Variants in TENM1 observed in about 807,000 individuals in gnomAD.
The protein encoded by TENM1 is teneurin transmembrane protein 1, also known as teneurin-1.
A neutral mutation model predicts 174.8 loss-of-function variants in TENM1; 35 were observed. The ratio of observed to expected loss-of-function variants is 0.20; its 90% CI spans 0.15 to 0.27. TENM1 has a LOEUF of 0.27. Among genes scored for constraint, TENM1 ranks in the 10% least tolerant of loss-of-function variants. The pLI is 1.00. For synonymous variants in TENM1, 781 were observed against 798.7 expected, an observed-to-expected ratio of 0.98 and a Z score of 0.37; for missense variants, 1,633 against 2,130.1, an observed-to-expected ratio of 0.77 and a Z score of 4.59.
intron 16 of TENM1, 48 bp downstream of exon 19, chrX:124,529,816 G>C (rs753785649): frequency 8.3e-7 from 1 of 1,206,626 alleles, no homozygotes; most frequent in Admixed American, 2.2e-5. Flanking sequence ...CCCCTGGCTA[G>C]AAGTCAGTAA....
chrX:125,112,608 T>G, the TENM1 span, among the ~76,000 whole-genome samples: 1 of 111,390 alleles, frequency 9.0e-6, no homozygotes, highest in Admixed American at 9.6e-5. Context: ...CCAGAACACT[T>G]GAAATTTCAG....
intron 6 of TENM1, among the ~76,000 whole-genome samples, chrX:124,668,222 G>T (rs1487459864): frequency 8.9e-6 from 1 of 111,752 alleles, no homozygotes; most frequent in Non-Finnish European, 1.9e-5. Flanking sequence ...AGGATGTAGA[G>T]AAATAGAAAC....
At chrX:124,581,583 G>A (rs2049312741) in intron 11 of TENM1, among the ~76,000 whole-genome samples, 1 of 112,239 alleles carries the variant, frequency 8.9e-6, no homozygotes, top group Non-Finnish European at 1.9e-5. Context: ...TTGAATGGTA[G>A]TTTTGTTTTA....
intron 21 of TENM1, among the ~76,000 whole-genome samples, chrX:124,486,519 G>C (rs188807607): frequency 8.9e-6 from 1 of 112,006 alleles, no homozygotes. Flanking sequence ...CCCCATCAGT[G>C]CCATTTTGAT....
At chrX:125,096,914 G>A in the TENM1 span, among the ~76,000 whole-genome samples, 11 of 111,309 alleles carry the variant, frequency 9.9e-5, no homozygotes, top group East Asian at 3.1e-3. Context: ...TCCAATGAGT[G>A]CATGCTTCAA....
chrX:124,758,189 C>T (rs1441809291), intron 3 of TENM1, among the ~76,000 whole-genome samples: 2 of 111,422 alleles, frequency 1.8e-5, no homozygotes, highest in Non-Finnish European at 3.8e-5. Flanking sequence ...ACAAAACAAA[C>T]AGAAAAACTA....
At chrX:124,713,989 T>G (rs959700422) in intron 4 of TENM1, among the ~76,000 whole-genome samples, 1 of 112,417 alleles carries the variant, frequency 8.9e-6, no homozygotes, top group African/African-American at 3.2e-5. Context: ...GAATTACTAT[T>G]AATAATTATA....
chrX:125,037,197 T>G, the TENM1 span, among the ~76,000 whole-genome samples: 1 of 110,348 alleles, frequency 9.1e-6, no homozygotes, highest in Non-Finnish European at 1.9e-5. Flanking sequence ...ATCTCTAATC[T>G]CCTGGGTTCC....
the TENM1 span, among the ~76,000 whole-genome samples, chrX:124,992,937 A>G: frequency 1.8e-5 from 2 of 110,702 alleles, no homozygotes; most frequent in Non-Finnish European, 3.8e-5. Context: ...ATTTTCAGCA[A>G]ACTTTCAGAG....
intron 11 of TENM1, among the ~76,000 whole-genome samples, chrX:124,581,879 T>C (rs1165339142): frequency 1.8e-5 from 2 of 111,971 alleles, no homozygotes; most frequent in Non-Finnish European, 3.8e-5. Flanking sequence ...GCCCTTTTTT[T>C]TAAAAAGCAT....
At chrX:124,614,682 A>C (rs766616502) in intron 11 of TENM1, among the ~76,000 whole-genome samples, 1 of 112,511 alleles carries the variant, frequency 8.9e-6, no homozygotes, top group East Asian at 2.8e-4. Context: ...CAGGAGTTCG[A>C]GATGAGCCTG....
At chrX:125,172,435 C>A in the TENM1 span, among the ~76,000 whole-genome samples, 9 of 111,392 alleles carry the variant, frequency 8.1e-5, no homozygotes, top group African/African-American at 2.9e-4. Context: ...CAAGTTGTCT[C>A]CCACAGCCTT....
At chrX:124,470,724 C>CGGTAT (rs2061290110) in intron 22 of TENM1, among the ~76,000 whole-genome samples, 1 of 110,541 alleles carries the variant, frequency 9.0e-6, no homozygotes, top group Admixed American at 9.8e-5. Flanking sequence ...CCTTGACTTA[C>CGGTAT]GGTATTGCCC....
At chrX:124,593,283 T>C (rs1395435436) in intron 11 of TENM1, among the ~76,000 whole-genome samples, 1 of 111,176 alleles carries the variant, frequency 9.0e-6, no homozygotes, top group East Asian at 2.9e-4. Flanking sequence ...CAGGTCAGGA[T>C]GCCAATCCAG....
At chrX:124,408,339 C>T (rs1476398010) in intron 25 of TENM1, among the ~76,000 whole-genome samples, 2 of 104,148 alleles carry the variant, frequency 1.9e-5, no homozygotes, top group African/African-American at 7.1e-5. Flanking sequence ...GATGTGTTTT[C>T]GCCATGTTGG....
intron 8 of TENM1, among the ~76,000 whole-genome samples, chrX:124,649,203 T>C (rs966708379): frequency 1.2e-4 from 14 of 112,729 alleles, no homozygotes; most frequent in African/African-American, 4.2e-4. Context: ...GAGGTGAGAA[T>C]AATTTTGAAG....
At chrX:124,748,429 T>G (rs577838943) in intron 3 of TENM1, among the ~76,000 whole-genome samples, 1 of 110,837 alleles carries the variant, frequency 9.0e-6, no homozygotes, top group South Asian at 3.8e-4. Context: ...AAGTGCTGTC[T>G]ACTACTGAAC....
At chrX:124,558,310 CA>C (rs2148151059) in intron 14 of TENM1, among the ~76,000 whole-genome samples, 1 of 111,064 alleles carries the variant, frequency 9.0e-6, no homozygotes, top group South Asian at 3.8e-4. Flanking sequence ...GATTAGAATG[CA>C]AAAAAATTCC....
chrX:124,419,762 C>A (rs985834073), intron 25 of TENM1, among the ~76,000 whole-genome samples: 16 of 111,857 alleles, frequency 1.4e-4, no homozygotes, highest in African/African-American at 5.2e-4. Context: ...TGGAATGGAG[C>A]CTCTCCTATT....
Sources: allele counts gnomAD v4.1 joint callset (sites outside exome capture counted in the v4.1 genomes callset), GRCh38; gene constraint gnomAD v4.1.1; transcripts MANE v1.5; gene names NCBI Gene and HGNC (gene_info 2026-07-23, HGNC 2026-07-21).